Variants in EPHA6 observed in about 807,000 individuals in gnomAD.
EPHA6 encodes the protein ephrin type-A receptor 6.
A neutral mutation model predicts 112.0 loss-of-function variants in EPHA6; 50 were observed. The ratio of observed to expected loss-of-function variants is 0.45; its 90% CI spans 0.36 to 0.56. EPHA6 has a LOEUF of 0.56. Among genes scored for constraint, EPHA6 ranks in the 20% least tolerant of loss-of-function variants. The pLI, the probability that EPHA6 is intolerant of heterozygous loss-of-function variation, is 0.00. For synonymous variants in EPHA6, 529 were observed against 490.7 expected (o/e 1.08, Z -1.03); for missense variants, 1,280 against 1,417.4 (o/e 0.90, Z 1.56).
In EPHA6 at chr3:97,009,240, G is replaced by T. The variant is rs532346556; in HGVS notation, c.1114+21247G>T. On this transcript the variant is annotated intron_variant, in intron 3 of 17. Coordinates refer to ENST00000389672, the MANE Select transcript of EPHA6 (RefSeq NM_001080448.3). The stretch of plus-strand genomic sequence containing the variant: ...CTAAGTCTGCTGCTCTACAGAGACC[G>T]TTGGCCACTCCTTCCCCTAGGGGCT... Among the ~76,000 whole-genome samples, 8 of 152,252 alleles carry T rather than the reference G, an allele frequency of 5.3e-5. No homozygotes were observed. In the South Asian group the frequency reaches 1.7e-3, roughly 32 times the overall value.
rs982517475 is a variant in EPHA6 at position 97,755,586 on chromosome 3, G to A, written c.*6885G>A. Among the ~76,000 whole-genome samples the A allele has an allele frequency of 3.3e-5, 5 of 152,182 alleles. No homozygotes were observed. The highest frequency in any genetic ancestry group is 1.2e-4 in the African/African-American group (5 of 41,536). ...CCATCTCATTATCCCTCGCTGAAGTGAGAACTATCTTTATCCCAAAATAAT... is the reference window on the plus strand; with the variant it reads ...CCATCTCATTATCCCTCGCTGAAGTAAGAACTATCTTTATCCCAAAATAAT... On this transcript the variant is annotated 3_prime_UTR_variant, in exon 18 of 18. Coordinates refer to ENST00000389672, the MANE Select transcript of EPHA6 (RefSeq NM_001080448.3).
intron 3 of EPHA6, among the ~76,000 whole-genome samples, chr3:97,002,220 A>G (rs115778433): frequency 0.014 from 2,110 of 151,882 alleles, 60 homozygotes; most frequent in African/African-American, 0.048. Flanking sequence ...TAATAATTGC[A>G]TTATGACCAG....
intron 10 of EPHA6, among the ~76,000 whole-genome samples, chr3:97,530,861 C>A (rs1285494861): frequency 1.3e-5 from 2 of 151,878 alleles, no homozygotes; most frequent in African/African-American, 2.4e-5. Flanking sequence ...AGTACCTACA[C>A]CAAAAGGTAG....
At chr3:96,921,276 C>T (rs2039747879) in intron 2 of EPHA6, among the ~76,000 whole-genome samples, 1 of 151,766 alleles carries the variant, frequency 6.6e-6, no homozygotes, top group South Asian at 2.1e-4. Context: ...AATAGAAGAG[C>T]ATATTAGCTA....
At chr3:96,815,269 C>T (rs1373556237) in intron 1 of EPHA6, among the ~76,000 whole-genome samples, 1 of 152,122 alleles carries the variant, frequency 6.6e-6, no homozygotes, top group Non-Finnish European at 1.5e-5. Flanking sequence ...GGTCCCACCG[C>T]TAGCGGCCGT....
chr3:97,582,383 T>A (rs2093446469), intron 11 of EPHA6, among the ~76,000 whole-genome samples: 1 of 152,040 alleles, frequency 6.6e-6, no homozygotes, highest in Admixed American at 6.6e-5. Context: ...GATTTTGGAA[T>A]TTTTTAACTG....
At chr3:97,663,599 C>T (rs2094185065) in intron 14 of EPHA6, among the ~76,000 whole-genome samples, 1 of 150,194 alleles carries the variant, frequency 6.7e-6, no homozygotes, top group African/African-American at 2.5e-5. Flanking sequence ...GTTTTTTGTC[C>T]TTGCAGTAGT....
intron 3 of EPHA6, among the ~76,000 whole-genome samples, chr3:97,128,568 G>A (rs2048246241): frequency 6.6e-6 from 1 of 152,090 alleles, no homozygotes. Context: ...GACTATGCAG[G>A]AGTGCAGTAG....
At chr3:97,474,628 T>C (rs186080422) in intron 7 of EPHA6, among the ~76,000 whole-genome samples, 2 of 152,122 alleles carry the variant, frequency 1.3e-5, no homozygotes, top group East Asian at 3.9e-4. Flanking sequence ...GAAGTGCTAA[T>C]AAATTAATTT....
intron 11 of EPHA6, among the ~76,000 whole-genome samples, chr3:97,568,657 T>C (rs1160711061): frequency 6.6e-6 from 1 of 152,218 alleles, no homozygotes; most frequent in East Asian, 1.9e-4. Context: ...CTCCTCTATG[T>C]AGAATCATGA....
At chr3:96,943,513 T>C (rs1450860382) in intron 2 of EPHA6, among the ~76,000 whole-genome samples, 1 of 152,224 alleles carries the variant, frequency 6.6e-6, no homozygotes, top group African/African-American at 2.4e-5. Flanking sequence ...GTTCAGAATA[T>C]TGAAATGCAC....
chr3:97,600,752 T>G (rs1181217282), intron 12 of EPHA6, among the ~76,000 whole-genome samples: 1 of 151,934 alleles, frequency 6.6e-6, no homozygotes, highest in Non-Finnish European at 1.5e-5. Flanking sequence ...TATATAAAGT[T>G]ATGCTGAACT....
At position 96,875,866 on chromosome 3, in the gene EPHA6, C is replaced by T. The variant is rs576870899; in HGVS notation, c.450+8977C>T. ...TTATTCATTTTATCTTTATTTTTTT[C>T]ATTGTTACTTACAAACCTTTAACTT... On this transcript the variant is annotated intron_variant, in intron 2 of 17. Transcript: ENST00000389672. Among the ~76,000 whole-genome samples the T allele has an allele frequency of 8.4e-4, 126 of 150,850 alleles. 1 individual carries two copies. Among genetic ancestry groups the T allele is most frequent in the African/African-American group, 3.0e-3 (122 of 41,202 alleles).
At chr3:97,716,878 G>A (rs1274901632) in intron 14 of EPHA6, among the ~76,000 whole-genome samples, 1 of 151,810 alleles carries the variant, frequency 6.6e-6, no homozygotes. Context: ...ATTTTTTCTT[G>A]TTTTATTTTA....
chr3:97,366,234 G>A (rs773616245), intron 5 of EPHA6, among the ~76,000 whole-genome samples: 10 of 151,852 alleles, frequency 6.6e-5, no homozygotes, highest in Admixed American at 1.3e-4. Flanking sequence ...TGATTTTTTC[G>A]TATTCTGTGC....
At chr3:97,723,998 T>A (rs2034643691) in intron 15 of EPHA6, among the ~76,000 whole-genome samples, 1 of 152,196 alleles carries the variant, frequency 6.6e-6, no homozygotes, top group African/African-American at 2.4e-5. Flanking sequence ...AATACAGTAT[T>A]ACATTTGACT....
intron 3 of EPHA6, among the ~76,000 whole-genome samples, chr3:97,201,038 T>C (rs1161791097): frequency 6.6e-6 from 1 of 152,126 alleles, no homozygotes. Flanking sequence ...TATTAGAAAA[T>C]AGAGGAAAAC....
chr3:97,218,762 C>G (rs1479347237), intron 3 of EPHA6, among the ~76,000 whole-genome samples: 1 of 152,132 alleles, frequency 6.6e-6, no homozygotes. Flanking sequence ...CCCAACTGTC[C>G]CCCAAAGTTG....
chr3:97,427,936 G>A (rs1043730793), intron 6 of EPHA6, among the ~76,000 whole-genome samples: 6 of 152,024 alleles, frequency 3.9e-5, no homozygotes, highest in Non-Finnish European at 7.4e-5. Flanking sequence ...GGGTGGGGAC[G>A]GTGCTGTCTA....
Sources: allele counts gnomAD v4.1 joint callset (sites outside exome capture counted in the v4.1 genomes callset), GRCh38; gene constraint gnomAD v4.1.1; transcripts MANE v1.5; gene names NCBI Gene and HGNC (gene_info 2026-07-23, HGNC 2026-07-21).